Variants in BTBD7 observed in about 807,000 individuals in gnomAD.
BTBD7 encodes the protein BTB/POZ domain-containing protein 7.
Under a neutral mutation model 99.9 loss-of-function variants are expected in BTBD7, and 38 were observed. That is an observed-to-expected ratio of 0.38 (90% CI 0.29 to 0.50). The LOEUF (loss-of-function observed/expected upper bound fraction) is 0.50. Ranked by LOEUF, BTBD7 falls within the 20% of genes least tolerant of loss-of-function variation. The pLI is 0.93. For synonymous variants in BTBD7, 520 were observed against 511.4 expected, an observed-to-expected ratio of 1.02 and a Z score of -0.23; for missense variants, 1,170 against 1,394.6, an observed-to-expected ratio of 0.84 and a Z score of 2.57.
chr14:93,243,197 T>C (rs1316119327), intron 10 of BTBD7, 109 bp from the exon 11 acceptor site: 4 of 1,107,160 alleles, frequency 3.6e-6, no homozygotes, highest in Admixed American at 5.5e-5. Flanking sequence ...ACATTCTGTT[T>C]TTGTTTTTTT....
At chr14:93,295,585 T>G (rs1429788609) in intron 2 of BTBD7, among the ~76,000 whole-genome samples, 1 of 152,236 alleles carries the variant, frequency 6.6e-6, no homozygotes, top group Non-Finnish European at 1.5e-5. Flanking sequence ...AGTTGTAAAT[T>G]AAGAACATTA....
intron 1 of BTBD7, among the ~76,000 whole-genome samples, chr14:93,307,832 T>C (rs926323426): frequency 6.6e-6 from 1 of 152,234 alleles, no homozygotes; most frequent in Non-Finnish European, 1.5e-5. Context: ...ATACAGTACC[T>C]GGCACTTAGG....
intron 1 of BTBD7, among the ~76,000 whole-genome samples, chr14:93,325,276 AT>A (rs1482615867): frequency 6.6e-6 from 1 of 151,554 alleles, no homozygotes; most frequent in African/African-American, 2.4e-5. Context: ...ACCACACCAG[AT>A]TTTTGTATCT....
Position 93,242,854 on chromosome 14 carries a change from G to T in BTBD7, c.2818C>A (p.Gln940Lys). ...EQKTDTRENP[Q>K]EYPDFYDFSN... Reference sequence around the variant, plus strand: ...AAGTCATAGAAATCCGGATATTCCTGTGGATTTTCTCTGGTGTCTGTTTTT... The same window carrying T: ...AAGTCATAGAAATCCGGATATTCCTTTGGATTTTCTCTGGTGTCTGTTTTT... The change falls in exon 11 of 11, where the codon CAG (glutamine) becomes AAG (lysine). Residue 940 changes from glutamine to lysine, a missense_variant. Physicochemically the swap from Gln to Lys is moderately conservative, Grantham distance 53. Transcript: ENST00000334746. The T allele has an allele frequency of 6.2e-7, 1 of 1,614,158 alleles. No homozygotes were observed. The highest frequency in any genetic ancestry group is 2.2e-5 in the East Asian group (1 of 44,868).
chr14:93,276,526 C>T (rs1409225852), intron 3 of BTBD7, among the ~76,000 whole-genome samples: 4 of 152,104 alleles, frequency 2.6e-5, no homozygotes, highest in Non-Finnish European at 5.9e-5. Flanking sequence ...AAAAGTACCA[C>T]CAGGCTATGG....
intron 3 of BTBD7, among the ~76,000 whole-genome samples, chr14:93,266,982 A>G (rs1002325137): frequency 6.6e-6 from 1 of 152,226 alleles, no homozygotes; most frequent in African/African-American, 2.4e-5. Context: ...GACAGACCTC[A>G]TTCAGTAGCC....
intron 5 of BTBD7, among the ~76,000 whole-genome samples, chr14:93,261,036 G>A (rs1036857905): frequency 3.3e-5 from 5 of 152,026 alleles, no homozygotes; most frequent in African/African-American, 7.2e-5. Context: ...GAGTACAGGC[G>A]CGTGCCACGA....
At chr14:93,314,763 G>C (rs1423943234) in intron 1 of BTBD7, among the ~76,000 whole-genome samples, 1 of 152,114 alleles carries the variant, frequency 6.6e-6, no homozygotes, top group Non-Finnish European at 1.5e-5. Flanking sequence ...ACTCCTATCA[G>C]CTCTGCATGA....
At position 93,296,129 on chromosome 14, in the gene BTBD7, T is replaced by C. The variant is rs907330735; in HGVS notation, c.-78A>G. ...AGAGGCCTTTATGAACCTTCAACCC[T>C]GGATCCAGCAGCCTCTTTTCATCCA... is the stretch of plus-strand genomic sequence containing the variant. On this transcript the variant is annotated 5_prime_UTR_variant, in exon 2 of 11. Transcript: ENST00000334746. 27 of 1,452,742 alleles carry C rather than the reference T, an allele frequency of 1.9e-5. No homozygotes were observed. The highest frequency in any genetic ancestry group is 2.5e-4 in the Middle Eastern group (1 of 3,958). 90.0% of individuals were successfully genotyped at this position (1,452,742 alleles called of 1,614,324 possible).
In BTBD7 at chr14:93,332,805, C is replaced by T. The variant is rs557319578; in HGVS notation, c.-107+15G>A. ...CCTCGGCTCCACAGCCTCAGAGACA[C>T]CAAGGGACACTCACCCCGGAGGCTC... is the stretch of plus-strand genomic sequence containing the variant. On this transcript the variant is annotated intron_variant, in intron 1 of 10. Transcript: ENST00000334746. The T allele has an allele frequency of 2.7e-4, 405 of 1,476,910 alleles. 2 individuals are homozygous for T. The African/African-American group carries it at 5.2e-3, about 19-fold the overall frequency. 91.5% of individuals were successfully genotyped at this position (1,476,910 alleles called of 1,614,324 possible). A position where few individuals can be genotyped will look rare whatever the true frequency, so the allele number is the denominator to read the frequency against.
At position 93,263,441 on chromosome 14, in the gene BTBD7, C is replaced by T. The variant is rs189907307; in HGVS notation, c.1371+344G>A. On this transcript the variant is annotated intron_variant, in intron 4 of 10. Transcript: ENST00000334746. The stretch of plus-strand genomic sequence containing the variant: ...TGTCTTACAATCTAAGTATGTGATG[C>T]TCCACCAAAAGTAAGAAACCACTAT... Among the ~76,000 whole-genome samples the T allele has an allele frequency of 2.0e-5, 3 of 152,312 alleles. No homozygotes were observed. The East Asian group carries it at 5.8e-4, about 29-fold the overall frequency.
At position 93,253,700 on chromosome 14, in the gene BTBD7, C is replaced by A; in HGVS notation, c.1699G>T (p.Ala567Ser). ...AGTCGAGGACGAACATAGATGCCAG[C>A]ATTTTTTTGCCGTAACCAGGCATTT... ...KSNAWLRQKN[A>S]GIYVRPRLFS... Residue 567 changes from alanine to serine, a missense_variant, in exon 7 of 11, where the codon GCT becomes TCT. Coordinates refer to ENST00000334746, the MANE Select transcript of BTBD7 (RefSeq NM_001002860.4). The A allele has an allele frequency of 6.2e-7, 1 of 1,613,492 alleles. No homozygotes were observed. The highest frequency in any genetic ancestry group is 8.5e-7 in the Non-Finnish European group (1 of 1,179,596).
chr14:93,267,685 A>C (rs2052556603), intron 3 of BTBD7, among the ~76,000 whole-genome samples: 1 of 152,200 alleles, frequency 6.6e-6, no homozygotes, highest in South Asian at 2.1e-4. Context: ...CTCTTCAGTC[A>C]CCAAAGGCAG....
intron 3 of BTBD7, among the ~76,000 whole-genome samples, chr14:93,282,929 CAT>C (rs2052737753): frequency 6.6e-6 from 1 of 152,206 alleles, no homozygotes. Flanking sequence ...ATGAAGAACA[CAT>C]ATCTCAGTAA....
chr14:93,303,401 C>T (rs985280820), intron 1 of BTBD7, among the ~76,000 whole-genome samples: 2 of 150,070 alleles, frequency 1.3e-5, no homozygotes, highest in Non-Finnish European at 3.0e-5. Context: ...CTCAGGAGTT[C>T]GAGACCAGCC....
chr14:93,253,263 G>A (rs1051895380), intron 7 of BTBD7, among the ~76,000 whole-genome samples: 8 of 152,136 alleles, frequency 5.3e-5, no homozygotes, highest in Admixed American at 2.6e-4. Flanking sequence ...AGAGGTCGTG[G>A]CATTCCTTTA....
At chr14:93,315,494 C>G (rs1189960577) in intron 1 of BTBD7, among the ~76,000 whole-genome samples, 1 of 152,208 alleles carries the variant, frequency 6.6e-6, no homozygotes, top group African/African-American at 2.4e-5. Context: ...GTAGATACAT[C>G]TGTGCAGCCA....
intron 2 of BTBD7, among the ~76,000 whole-genome samples, 159 bp downstream of exon 2, chr14:93,295,811 C>T (rs141303798): frequency 3.4e-4 from 52 of 152,216 alleles, no homozygotes; most frequent in African/African-American, 1.1e-3. Flanking sequence ...ACCATACAAA[C>T]CAGACTTAAG....
At position 93,242,593 on chromosome 14, in the gene BTBD7, G is replaced by A. The variant is rs565943949; in HGVS notation, c.3079C>T (p.Leu1027=). 3.7e-6 allele frequency: 6 copies of A among 1,614,238 alleles called. No individual in the cohort carries two copies. In the African/African-American group the frequency reaches 4.0e-5, roughly 11 times the overall value. Residue 1027 remains leucine (L), a synonymous_variant, in exon 11 of 11, where the codon CTG becomes TTG. Coordinates refer to ENST00000334746, the MANE Select transcript of BTBD7 (RefSeq NM_001002860.4). ...LHRQKNEPIH[L]DVVEQPPQRS... ...TGGGGAGGTTGCTCAACGACATCCA[G>A]GTGTATCGGCTCATTCTTTTGTCTG... is the stretch of plus-strand genomic sequence containing the variant.
Sources: gnomAD v4.1 joint callset for allele counts (sites outside exome capture counted in the v4.1 genomes callset) on GRCh38, gnomAD v4.1.1 for gene constraint, MANE v1.5 for transcripts, NCBI Gene and HGNC (gene_info 2026-07-23, HGNC 2026-07-21) for gene names.